FCRL6: variants seen among roughly 807,000 people sequenced by gnomAD.
FCRL6 encodes the protein Fc receptor like 6.
FCRL6 carries 50 observed loss-of-function variants against 49.1 expected under a neutral mutation model. The ratio of observed to expected loss-of-function variants is 1.02; its 90% CI spans 0.81 to 1.29. The LOEUF is 1.29. Among genes scored for constraint, FCRL6 ranks in the 50% most tolerant of loss-of-function variants. The probability of loss-of-function intolerance (pLI) is 0.00; values close to 1 mark genes in which losing one functional copy is unlikely to be tolerated. For missense variants in FCRL6, 571 were observed against 518.5 expected (o/e 1.10, Z -0.98); for synonymous variants, 213 against 199.6 (o/e 1.07, Z -0.57).
At position 159,809,081 on chromosome 1, in the gene FCRL6, T is replaced by A. The variant is rs1279731209; in HGVS notation, c.440T>A (p.Phe147Tyr). 6.2e-7 allele frequency: 1 copy of A among 1,613,974 alleles called. No individual in the cohort carries two copies. The highest frequency in any genetic ancestry group is 1.1e-5 in the South Asian group (1 of 91,070). Residue 147 changes from phenylalanine to tyrosine, a missense_variant, in exon 4 of 10, where the codon TTC (phenylalanine) becomes TAC (tyrosine). Coordinates refer to ENST00000368106, the MANE Select transcript of FCRL6 (RefSeq NM_001004310.3). ...CTGAGGTCAGCCTTGAGGCTCCTTTTCTCCTTCCACAAGGACGGCCACACC... is the reference window on the plus strand; with the variant it reads ...CTGAGGTCAGCCTTGAGGCTCCTTTACTCCTTCCACAAGGACGGCCACACC... ...HPLRSALRLL[F>Y]SFHKDGHTLQ... is the part of the protein sequence containing the mutation.
At chr1:159,815,384 T>C in intron 8 of FCRL6, 44 bp from the exon 9 acceptor site, 1 of 1,597,242 alleles carries the variant, frequency 6.3e-7, no homozygotes, top group South Asian at 1.1e-5. Context: ...ATGTACTTGC[T>C]GTGGAGCACA....
At chr1:159,808,737 G>T in intron 3 of FCRL6, 1 of 607,246 alleles carries the variant, frequency 1.6e-6, no homozygotes, top group Non-Finnish European at 2.9e-6. Context: ...GGACTTCGAA[G>T]GCCCCCTCTG....
In FCRL6 at chr1:159,809,604, G is replaced by A; in HGVS notation, c.807G>A (p.Gln269=). The A allele has an allele frequency of 2.5e-6, 4 of 1,614,182 alleles. No individual in the cohort carries two copies. Among genetic ancestry groups the A allele is most frequent in the South Asian group, 2.2e-5 (2 of 91,090 alleles). The part of the protein sequence containing the change: ...TSLLFPVKSE[Q]DAGNYSCEAE... ...TCCTCTTCCCAGTGAAGTCAGAACA[G>A]GATGCTGGGAACTACTCCTGCGAGG... is the stretch of plus-strand genomic sequence containing the variant. Residue 269 remains glutamine (Q), a synonymous_variant, in exon 5 of 10, where the codon CAG becomes CAA. Transcript: ENST00000368106.
At position 159,809,675 on chromosome 1, in the gene FCRL6, C is replaced by T. The variant is rs116277008; in HGVS notation, c.878C>T (p.Ser293Phe). ...SRERSEPKKL[S>F]LKGSQVLFTP... ...GAGAGGAGTGAGCCCAAGAAGCTGT[C>T]TCTGAAGGGTGTGTTTTGTTCTCCA... is the stretch of plus-strand genomic sequence containing the variant. Residue 293 changes from serine (S) to phenylalanine (F), a missense_variant, in exon 5 of 10, where the codon TCT becomes TTT. Physicochemically the swap from Ser to Phe is radical, Grantham distance 155. Coordinates refer to ENST00000368106, the MANE Select transcript of FCRL6 (RefSeq NM_001004310.3). 8.3e-3 allele frequency: 13,451 copies of T among 1,613,726 alleles called. 885 individuals carry two copies. In the African/African-American group the frequency reaches 0.15, roughly 18 times the overall value.
At chr1:159,812,394 G>A (rs563432983) in intron 6 of FCRL6, among the ~76,000 whole-genome samples, 1 of 152,320 alleles carries the variant, frequency 6.6e-6, no homozygotes, top group African/African-American at 2.4e-5. Flanking sequence ...CAGATGTCAT[G>A]TCCAAAGTCA....
chr1:159,803,184 G>C (rs1571084857), intron 1 of FCRL6, among the ~76,000 whole-genome samples: 1 of 152,086 alleles, frequency 6.6e-6, no homozygotes, highest in East Asian at 1.9e-4. Flanking sequence ...TAAGAGAGCT[G>C]GTCTAAGGGT....
rs1662899593 is a variant in FCRL6 at position 159,809,006 on chromosome 1, C to T, written c.365C>T (p.Pro122Leu). 1.2e-6 allele frequency: 2 copies of T among 1,613,794 alleles called. No individual in the cohort carries two copies. Among genetic ancestry groups the T allele is most frequent in the Admixed American group, 3.3e-5 (2 of 59,996 alleles). ...CTGAGTGCCATCCCCTCTCCTGAGC[C>T]CCGAGAGGGTAGCCTGGTGACCCTG... ...PVLSAIPSPE[P>L]REGSLVTLRC... is the part of the protein sequence containing the mutation. The change falls in exon 4 of 10, where the codon CCC becomes CTC. Residue 122 changes from proline to leucine, a missense_variant. Coordinates refer to ENST00000368106, the MANE Select transcript of FCRL6 (RefSeq NM_001004310.3).
chr1:159,813,718 G>A (rs968728765), intron 7 of FCRL6, among the ~76,000 whole-genome samples, 164 bp downstream of exon 7: 1 of 152,230 alleles, frequency 6.6e-6, no homozygotes, highest in Non-Finnish European at 1.5e-5. Context: ...GGAGTGCTGT[G>A]GAGCTGGTGG....
intron 6 of FCRL6, among the ~76,000 whole-genome samples, chr1:159,811,766 G>A (rs79761483): frequency 0.03 from 4,590 of 152,272 alleles, 210 homozygotes; most frequent in African/African-American, 0.1. Flanking sequence ...AGGATGCCCA[G>A]AGCTATTGGG....
chr1:159,813,824 C>G (rs74904244), intron 7 of FCRL6, among the ~76,000 whole-genome samples: 1,772 of 152,276 alleles, frequency 0.012, 34 homozygotes, highest in African/African-American at 0.04. Flanking sequence ...ATGGGCCAAA[C>G]CCAGCACACT....
intron 1 of FCRL6, among the ~76,000 whole-genome samples, chr1:159,802,961 G>A (rs11265281): frequency 0.044 from 6,714 of 152,210 alleles, 485 homozygotes; most frequent in African/African-American, 0.15. Flanking sequence ...TTAGAACCAG[G>A]TAACAATGGC....
At chr1:159,808,511 A>T (rs2101745315) in intron 3 of FCRL6, 67 bp downstream of exon 3, 1 of 1,584,838 alleles carries the variant, frequency 6.3e-7, no homozygotes, top group African/African-American at 1.3e-5. Flanking sequence ...TCTAGAGGTC[A>T]GTAGCTCTCT....
chr1:159,801,704 G>A (rs1357109353), upstream of FCRL6, among the ~76,000 whole-genome samples: 13 of 152,034 alleles, frequency 8.6e-5, no homozygotes, highest in Non-Finnish European at 1.3e-4. Flanking sequence ...TGGGCCCTTT[G>A]TCAGCTACAT....
intron 2 of FCRL6, 59 bp from the exon 3 acceptor site, chr1:159,808,119 G>A (rs1381368032): frequency 9.6e-6 from 15 of 1,558,852 alleles, no homozygotes. Flanking sequence ...GGGACAGAGG[G>A]AGAGAAGTGA....
chr1:159,800,845 T>A (rs546109723), upstream of FCRL6, among the ~76,000 whole-genome samples: 7 of 152,306 alleles, frequency 4.6e-5, no homozygotes, highest in East Asian at 1.4e-3. Flanking sequence ...CACTTAAAGA[T>A]TTCCAGGAAG....
intron 1 of FCRL6, among the ~76,000 whole-genome samples, chr1:159,805,961 C>A (rs1364834400): frequency 2.6e-5 from 4 of 152,184 alleles, no homozygotes; most frequent in African/African-American, 9.7e-5. Flanking sequence ...TTGCTTCCCA[C>A]CTCGTACAAT....
At position 159,809,256 on chromosome 1, in the gene FCRL6, G is replaced by A. The variant is rs762344152; in HGVS notation, c.604+11G>A. On this transcript the variant is annotated intron_variant, in intron 4 of 9. Transcript: ENST00000368106. ...AGGTCAGAGTGCAGGGTAAGTGCGC[G>A]AGAGAGTGGAGATGCCCCCAGGGCC... The A allele has an allele frequency of 9.4e-5, 145 of 1,537,810 alleles. No homozygotes were observed. The highest frequency in any genetic ancestry group is 1.2e-4 in the Non-Finnish European group (134 of 1,145,478).
rs560447946 is a variant in FCRL6, at chr1:159,815,446, C to T, written c.1166C>T (p.Thr389Ile). 1.7e-5 allele frequency: 28 copies of T among 1,614,124 alleles called. No homozygotes were observed. The South Asian group carries it at 1.8e-4, about 10-fold the overall frequency. ...KRSEARSAEFTVGRKDSSIIC... is the reference protein window; with the variant it reads ...KRSEARSAEFIVGRKDSSIIC... ...CCCACAGCCAGGTCTGCTGAGTTCA[C>T]CGTGGGGAGAAAGGTGAGCTGGGAT... is the stretch of plus-strand genomic sequence containing the variant. The change falls in exon 9 of 10, where the codon ACC becomes ATC. Residue 389 changes from threonine to isoleucine, a missense_variant. Physicochemically the swap from Thr to Ile is moderately conservative, Grantham distance 89. Coordinates refer to ENST00000368106, the MANE Select transcript of FCRL6 (RefSeq NM_001004310.3).
Position 159,814,276 on chromosome 1 carries a change from C to A in FCRL6, c.1131C>A (p.Thr377=). 1 of 1,614,102 alleles carries A rather than the reference C, an allele frequency of 6.2e-7. No individual in the cohort carries two copies. The highest frequency in any genetic ancestry group is 8.5e-7 in the Non-Finnish European group (1 of 1,179,962). The change falls in exon 8 of 10, where the codon ACC becomes ACA. Residue 377 remains threonine, a synonymous_variant. Coordinates refer to ENST00000368106, the MANE Select transcript of FCRL6 (RefSeq NM_001004310.3). Reference sequence around the variant, plus strand: ...TTGTCTACTCTGTGGTGCATAGAACCTCAAAGAGGAGTGAAGGTGAGTGAT... The same window carrying A: ...TTGTCTACTCTGTGGTGCATAGAACATCAAAGAGGAGTGAAGGTGAGTGAT... ...EGVVYSVVHR[T]SKRSEARSAE...
Sources: allele counts gnomAD v4.1 joint callset (sites outside exome capture counted in the v4.1 genomes callset), GRCh38; gene constraint gnomAD v4.1.1; transcripts MANE v1.5; gene names NCBI Gene and HGNC (gene_info 2026-07-23, HGNC 2026-07-21).